PAMR1: variants seen among roughly 807,000 people sequenced by gnomAD.
PAMR1 encodes peptidase domain containing associated with muscle regeneration 1.
In PAMR1, 88 loss-of-function variants were observed where a neutral mutation model predicts 81.8. That is an observed-to-expected ratio of 1.08 (90% CI 0.91 to 1.28). The LOEUF (loss-of-function observed/expected upper bound fraction) is 1.28. Among genes scored for constraint, PAMR1 ranks in the 50% most tolerant of loss-of-function variants. The probability of loss-of-function intolerance (pLI) is 0.00; values close to 1 mark genes in which losing one functional copy is unlikely to be tolerated. For synonymous variants in PAMR1, 336 were observed against 345.3 expected, an observed-to-expected ratio of 0.97 and a Z score of 0.30; for missense variants, 935 against 919.7, an observed-to-expected ratio of 1.02 and a Z score of -0.21.
Position 35,435,970 on chromosome 11 carries a change from C to G in PAMR1, c.1266G>C (p.Leu422=). Residue 422 remains leucine, a synonymous_variant, in exon 9 of 11, where the codon CTG becomes CTC. Coordinates refer to ENST00000619888, the MANE Select transcript of PAMR1 (RefSeq NM_001001991.3). The part of the protein sequence containing the change: ...YECISPFYRR[L]GSSRRTCLRT... Reference sequence around the variant, plus strand: ...TCAGACATGTCCTCCTGCTGCTGCCCAGGCGGCGGTAGAAGGGTGAGATGC... The same window carrying G: ...TCAGACATGTCCTCCTGCTGCTGCCGAGGCGGCGGTAGAAGGGTGAGATGC... 6.2e-7 allele frequency: 1 copy of G among 1,614,216 alleles called. No homozygotes were observed. Among genetic ancestry groups the G allele is most frequent in the Non-Finnish European group, 8.5e-7 (1 of 1,180,042 alleles).
upstream of PAMR1, among the ~76,000 whole-genome samples, chr11:35,526,595 A>G (rs574379954): frequency 3.8e-4 from 58 of 152,362 alleles, 1 homozygote; most frequent in South Asian, 0.011. Flanking sequence ...GAGAAACGGA[A>G]CCATTGAGGA....
At chr11:35,467,074 C>T (rs926348783) in intron 6 of PAMR1, among the ~76,000 whole-genome samples, 2 of 152,048 alleles carry the variant, frequency 1.3e-5, no homozygotes, top group African/African-American at 2.4e-5. Flanking sequence ...CAGGGCAGCC[C>T]GCACCCAATG....
chr11:35,433,006 T>G, intron 10 of PAMR1, 114 bp from the exon 11 acceptor site: 1 of 848,624 alleles, frequency 1.2e-6, no homozygotes, highest in Non-Finnish European at 1.8e-6. Flanking sequence ...GCAGCTACAA[T>G]TATTTGGAGA....
chr11:35,463,175 C>T (rs1015182288), intron 6 of PAMR1, among the ~76,000 whole-genome samples: 2 of 152,184 alleles, frequency 1.3e-5, no homozygotes, highest in Non-Finnish European at 2.9e-5. Flanking sequence ...GCGCGGGTCT[C>T]CCCTTTGAAG....
At chr11:35,463,417 G>A (rs1227613373) in intron 6 of PAMR1, among the ~76,000 whole-genome samples, 1 of 152,250 alleles carries the variant, frequency 6.6e-6, no homozygotes, top group East Asian at 1.9e-4. Flanking sequence ...GCAGGGGGAA[G>A]TCCCAGCCCC....
chr11:35,452,538 C>G (rs985421126), intron 6 of PAMR1, among the ~76,000 whole-genome samples: 1 of 152,050 alleles, frequency 6.6e-6, no homozygotes, highest in Non-Finnish European at 1.5e-5. Flanking sequence ...TATGAAGCAG[C>G]CAAGGGTTGG....
chr11:35,492,770 C>T lies in PAMR1; in HGVS notation c.251-597G>A, dbSNP rs186866301. The stretch of plus-strand genomic sequence containing the variant: ...ACAATAGGCTCACCGTGGAATGTGT[C>T]GGGCTCCCCACAACCAGCAGGCCAC... On this transcript the variant is annotated intron_variant, in intron 2 of 10. Transcript: ENST00000619888. 1.1e-3 allele frequency among the ~76,000 whole-genome samples: 163 copies of T among 152,294 alleles called. 2 individuals are homozygous for T. The highest frequency in any genetic ancestry group is 2.0e-3 in the Non-Finnish European group (133 of 68,022).
intron 3 of PAMR1, among the ~76,000 whole-genome samples, chr11:35,480,166 T>C (rs1850361333): frequency 6.6e-6 from 1 of 152,188 alleles, no homozygotes; most frequent in South Asian, 2.1e-4. Flanking sequence ...ACTGAATGAA[T>C]AGTTAGACCA....
intron 1 of PAMR1, among the ~76,000 whole-genome samples, chr11:35,509,358 A>G (rs1318421998): frequency 6.6e-6 from 1 of 152,232 alleles, no homozygotes; most frequent in Non-Finnish European, 1.5e-5. Context: ...CCCCTTGATC[A>G]TAATTACATT....
intron 6 of PAMR1, among the ~76,000 whole-genome samples, chr11:35,454,510 C>A (rs1856484360): frequency 6.6e-6 from 1 of 152,192 alleles, no homozygotes; most frequent in South Asian, 2.1e-4. Context: ...GCTTCCCCAG[C>A]TCTGTTACTG....
intron 1 of PAMR1, among the ~76,000 whole-genome samples, chr11:35,509,219 C>T (rs1032306943): frequency 1.4e-4 from 22 of 152,192 alleles, no homozygotes; most frequent in African/African-American, 4.1e-4. Context: ...AAAGTACCCC[C>T]GAAAAATGAA....
rs1246358625 is a variant in PAMR1, at chr11:35,450,175, C to T, written c.821-8482G>A. Among the ~76,000 whole-genome samples, 8 of 103,758 alleles carry T rather than the reference C, an allele frequency of 7.7e-5. No individual in the cohort carries two copies. The East Asian group carries it at 2.4e-3, about 31-fold the overall frequency. The allele number at this position is 103,758 out of a possible 152,430, so 68.1% of individuals were successfully genotyped here. A position where few individuals can be genotyped will look rare whatever the true frequency, so the allele number is the denominator to read the frequency against. On this transcript the variant is annotated intron_variant, in intron 6 of 10. Transcript: ENST00000619888. ...AAAAAAAAAATCTCTATTCAGATAACACCTCTAAAATATTTGAGAATTAAA... is the reference window on the plus strand; with the variant it reads ...AAAAAAAAAATCTCTATTCAGATAATACCTCTAAAATATTTGAGAATTAAA...
rs549994928 is a variant in PAMR1, at chr11:35,507,110, A to C, written c.74-12838T>G. Among the ~76,000 whole-genome samples, 790 of 132,420 alleles carry C rather than the reference A, an allele frequency of 6.0e-3. 4 individuals carry two copies. Among genetic ancestry groups the C allele is most frequent in the African/African-American group, 0.017 (579 of 34,130 alleles). The allele number at this position is 132,420 out of a possible 152,430, so 86.9% of individuals were successfully genotyped here. On this transcript the variant is annotated intron_variant, in intron 1 of 10. Coordinates refer to ENST00000619888, the MANE Select transcript of PAMR1 (RefSeq NM_001001991.3). ...TGCCCAGGCTGGAGTGCAATGGTGC[A>C]ATCTCAGCTCACTGCAACCTCTGCC...
intron 8 of PAMR1, among the ~76,000 whole-genome samples, chr11:35,439,082 G>A (rs1856108569): frequency 6.6e-6 from 1 of 151,990 alleles, no homozygotes; most frequent in African/African-American, 2.4e-5. Context: ...AGTAGAAAGG[G>A]GCTACTCCCT....
chr11:35,510,905 T>C (rs1247131735), intron 1 of PAMR1, among the ~76,000 whole-genome samples: 1 of 152,214 alleles, frequency 6.6e-6, no homozygotes, highest in African/African-American at 2.4e-5. Flanking sequence ...TTCTCTCAAC[T>C]TCCATGGTTA....
intron 1 of PAMR1, 80 bp downstream of exon 1, chr11:35,525,433 T>A: frequency 8.4e-7 from 1 of 1,196,698 alleles, no homozygotes; most frequent in Non-Finnish European, 1.2e-6. Flanking sequence ...CTCCCAGTCC[T>A]GCTCCCAGGC....
chr11:35,516,185 G>T (rs770463447), intron 1 of PAMR1, among the ~76,000 whole-genome samples: 22 of 152,134 alleles, frequency 1.4e-4, no homozygotes, highest in African/African-American at 5.3e-4. Flanking sequence ...ATCAGCGAGG[G>T]GAAGTAACTT....
chr11:35,478,263 A>T (rs1490786119), intron 3 of PAMR1, among the ~76,000 whole-genome samples: 2 of 152,164 alleles, frequency 1.3e-5, no homozygotes, highest in Non-Finnish European at 2.9e-5. Context: ...GGTCTCTTGC[A>T]GTCTCTGGAG....
intron 6 of PAMR1, among the ~76,000 whole-genome samples, chr11:35,452,306 A>G (rs1856435864): frequency 6.6e-6 from 1 of 152,246 alleles, no homozygotes; most frequent in Non-Finnish European, 1.5e-5. Context: ...AAAAACTCAG[A>G]ATGAAGCAAA....
Sources: allele counts gnomAD v4.1 joint callset (sites outside exome capture counted in the v4.1 genomes callset), GRCh38; gene constraint gnomAD v4.1.1; transcripts MANE v1.5; gene names NCBI Gene and HGNC (gene_info 2026-07-23, HGNC 2026-07-21).